The following ADCY10 variants were observed in gnomAD, a reference collection of about 807,000 sequenced individuals.
ADCY10 encodes adenylate cyclase 10.
Under a neutral mutation model 183.3 loss-of-function variants are expected in ADCY10, and 156 were observed. The ratio of observed to expected loss-of-function variants is 0.85; its 90% CI spans 0.75 to 0.97. ADCY10 has a LOEUF of 0.97. Ranked by LOEUF, ADCY10 falls within the 50% of genes least tolerant of loss-of-function variation. The pLI, the probability that ADCY10 is intolerant of heterozygous loss-of-function variation, is 0.00. For missense variants in ADCY10, 1,745 were observed against 1,934.3 expected, an observed-to-expected ratio of 0.90 and a Z score of 1.84; for synonymous variants, 645 against 670.0, an observed-to-expected ratio of 0.96 and a Z score of 0.58.
chr1:167,833,808 G>A lies in ADCY10; in HGVS notation c.3417+162C>T, dbSNP rs1663974471. ...GGGAAGATCTTGCTGGTAAGCCATG[G>A]TGAGGAGGTTGGAGCCCAGGGATTT... On this transcript the variant is annotated intron_variant, in intron 24 of 32. Transcript: ENST00000367851. 1.3e-5 allele frequency among the ~76,000 whole-genome samples: 2 copies of A among 152,048 alleles called. 1 individual carries two copies. Among genetic ancestry groups the A allele is most frequent in the Non-Finnish European group, 2.9e-5 (2 of 68,002 alleles).
chr1:167,848,516 G>T (rs761221974), intron 18 of ADCY10, 27 bp from the exon 19 acceptor site: 9 of 1,612,696 alleles, frequency 5.6e-6, no homozygotes, highest in African/African-American at 1.3e-5. Context: ...GGGAAGAAAA[G>T]TTGAGTCATT....
chr1:167,846,028 C>T lies in ADCY10; in HGVS notation c.2673G>A (p.Glu891=), dbSNP rs1664999207. 3 of 1,614,218 alleles carry T rather than the reference C, an allele frequency of 1.9e-6. No homozygotes were observed. The South Asian group carries it at 3.3e-5, about 18-fold the overall frequency. ...TCAGAGACAAGGAACGATAGTGCAC[C>T]TCAAATGAGGGATCATTCTGTTTCA... ...KALKQNDPSF[E]VHYRSLSLKP... The change falls in exon 20 of 33, where the codon GAG becomes GAA. Residue 891 remains glutamate (E), a synonymous_variant. Coordinates refer to ENST00000367851, the MANE Select transcript of ADCY10 (RefSeq NM_018417.6).
intron 19 of ADCY10, among the ~76,000 whole-genome samples, chr1:167,847,388 A>G (rs75048445): frequency 0.081 from 12,207 of 150,926 alleles, 653 homozygotes; most frequent in African/African-American, 0.15. Flanking sequence ...ATTTTTCTTT[A>G]AAAGAATAAT....
chr1:167,833,202 CGAT>C (rs755831198), intron 24 of ADCY10, 40 bp from the exon 25 acceptor site: 54 of 1,586,004 alleles, frequency 3.4e-5, no homozygotes, highest in Non-Finnish European at 4.3e-5. Context: ...AAGAGGAAAA[CGAT>C]GATTCTAACT....
intron 14 of ADCY10, among the ~76,000 whole-genome samples, chr1:167,869,229 C>T (rs1666912100): frequency 6.6e-6 from 1 of 152,134 alleles, no homozygotes; most frequent in Admixed American, 6.5e-5. Flanking sequence ...TAATAGAAAC[C>T]TGCTTACTGC....
chr1:167,866,388 G>C (rs1470343349), intron 14 of ADCY10, among the ~76,000 whole-genome samples: 1 of 152,136 alleles, frequency 6.6e-6, no homozygotes. Flanking sequence ...ATTTTAGTGA[G>C]TGATGTTAAT....
At chr1:167,869,378 A>G (rs961355611) in intron 14 of ADCY10, among the ~76,000 whole-genome samples, 3 of 152,262 alleles carry the variant, frequency 2.0e-5, no homozygotes, top group Admixed American at 2.0e-4. Flanking sequence ...GGCAAAAATA[A>G]GAGTGAGAAC....
Position 167,896,666 on chromosome 1 carries a change from T to G in ADCY10, c.668A>C (p.Asn223Thr). 1 of 1,613,072 alleles carries G rather than the reference T, an allele frequency of 6.2e-7. No homozygotes were observed. Among genetic ancestry groups the G allele is most frequent in the Non-Finnish European group, 8.5e-7 (1 of 1,179,100 alleles). Residue 223 changes from asparagine (N) to threonine (T), a missense_variant, in exon 7 of 33, where the codon AAT (asparagine) becomes ACT (threonine). Asn to Thr is a moderately conservative substitution (Grantham distance 65). Transcript: ENST00000367851. ...TGTGAAAAATTCATCAAAATTAAAATTGGGGGGTGGTTTTAAGAAGTTAAC... is the reference window on the plus strand; with the variant it reads ...TGTGAAAAATTCATCAAAATTAAAAGTGGGGGGTGGTTTTAAGAAGTTAAC... ...VKVNFLKPPP[N>T]FNFDEFFTKC...
intron 17 of ADCY10, among the ~76,000 whole-genome samples, chr1:167,855,245 G>A (rs369492430): frequency 1.1e-4 from 16 of 152,276 alleles, no homozygotes; most frequent in South Asian, 8.3e-4. Flanking sequence ...GCTTGAACCC[G>A]GGAGGTGGAG....
chr1:167,904,739 G>A, intron 2 of ADCY10: 1 of 613,960 alleles, frequency 1.6e-6, no homozygotes, highest in East Asian at 2.7e-5. Context: ...TTGGGGCAGA[G>A]ATACTGGAGC....
At chr1:167,839,308 T>C (rs1279141629) in intron 21 of ADCY10, among the ~76,000 whole-genome samples, 1 of 152,232 alleles carries the variant, frequency 6.6e-6, no homozygotes, top group Non-Finnish European at 1.5e-5. Flanking sequence ...AAATACTGGG[T>C]AGGACTTTTA....
chr1:167,835,200 T>A (rs566334403), intron 23 of ADCY10, among the ~76,000 whole-genome samples: 1 of 152,280 alleles, frequency 6.6e-6, no homozygotes, highest in Non-Finnish European at 1.5e-5. Context: ...CATGGAAGGT[T>A]AGCCCAGCCA....
At chr1:167,844,960 G>A (rs1390045152) in intron 21 of ADCY10, among the ~76,000 whole-genome samples, 1 of 152,162 alleles carries the variant, frequency 6.6e-6, no homozygotes, top group South Asian at 2.1e-4. Context: ...CATAGTGACT[G>A]AGTCTTTGGG....
At chr1:167,870,638 CA>C (rs58787930) in intron 13 of ADCY10, among the ~76,000 whole-genome samples, 91 of 93,736 alleles carry the variant, frequency 9.7e-4, no homozygotes, top group East Asian at 1.6e-3. Flanking sequence ...ACTGAAAATA[CA>C]AAAAAAAAAA....
At position 167,845,561 on chromosome 1, in the gene ADCY10, A is replaced by G. The variant is rs751771991; in HGVS notation, c.3007+2T>C. 4.3e-6 allele frequency: 7 copies of G among 1,613,726 alleles called. No individual in the cohort carries two copies. In the East Asian group the frequency reaches 1.6e-4, roughly 36 times the overall value. Reference sequence around the variant, plus strand: ...GGATAATTTTAAAATGAAGTAGGTTACTTTTAAATCCATGAGACATAGCCA... The same window carrying G: ...GGATAATTTTAAAATGAAGTAGGTTGCTTTTAAATCCATGAGACATAGCCA... On this transcript the variant is annotated splice_donor_variant, in intron 21 of 32. Transcript: ENST00000367851. LOFTEE classifies it high-confidence loss of function.
intron 18 of ADCY10, among the ~76,000 whole-genome samples, chr1:167,851,262 C>T (rs1245367850): frequency 6.6e-6 from 1 of 152,150 alleles, no homozygotes; most frequent in African/African-American, 2.4e-5. Flanking sequence ...TCATAGCTTG[C>T]TGCAGCCTCA....
rs1013742431 is a variant in ADCY10 at position 167,827,316 on chromosome 1, C to A, written c.3750+1951G>T. On this transcript the variant is annotated intron_variant, in intron 26 of 32. Transcript: ENST00000367851. ...CCGAGTAGCTGGGACTACAGGCGCC[C>A]GCCACCACGCCCGGCTAATTTTTTT... Among the ~76,000 whole-genome samples, 5 of 150,626 alleles carry A rather than the reference C, an allele frequency of 3.3e-5. No homozygotes were observed. The South Asian group carries it at 1.1e-3, about 32-fold the overall frequency.
intron 1 of ADCY10, 119 bp downstream of exon 1, chr1:167,913,856 AC>A (rs1670302808): frequency 6.6e-6 from 1 of 152,174 alleles, no homozygotes; most frequent in African/African-American, 2.4e-5. Context: ...ACAAACTTGA[AC>A]CCTGACTTCT....
intron 11 of ADCY10, 107 bp from the exon 12 acceptor site, chr1:167,878,742 G>T: frequency 8.8e-7 from 1 of 1,138,244 alleles, no homozygotes. Flanking sequence ...TACTCCCTTT[G>T]CTGTTCATGA....
Sources: gnomAD v4.1 joint callset for allele counts (sites outside exome capture counted in the v4.1 genomes callset) on GRCh38, gnomAD v4.1.1 for gene constraint, MANE v1.5 for transcripts, NCBI Gene and HGNC (gene_info 2026-07-23, HGNC 2026-07-21) for gene names.